Variants in HYCC1 observed in about 807,000 individuals in gnomAD.
HYCC1 encodes the protein hyccin PI4KA lipid kinase complex subunit 1.
chr7:22,950,354 T>C, the HYCC1 span, among the ~76,000 whole-genome samples: 1 of 152,022 alleles, frequency 6.6e-6, no homozygotes, highest in Non-Finnish European at 1.5e-5. Context: ...CTAAGTTCCA[T>C]GAGGAAGGAG....
the HYCC1 span, among the ~76,000 whole-genome samples, chr7:22,969,616 C>T: frequency 3.3e-5 from 5 of 151,714 alleles, no homozygotes; most frequent in South Asian, 2.1e-4. Flanking sequence ...CTCCACATCC[C>T]GGGTTCAAGC....
chr7:22,914,012 T>C, the HYCC1 span, among the ~76,000 whole-genome samples: 1 of 152,196 alleles, frequency 6.6e-6, no homozygotes, highest in African/African-American at 2.4e-5. Context: ...CCTCTCTCAC[T>C]ACCCTTCAAT....
At chr7:22,978,518 A>C in the HYCC1 span, 2 of 1,290,740 alleles carry the variant, frequency 1.5e-6, no homozygotes, top group Non-Finnish European at 2.2e-6. Flanking sequence ...ATGAAGTATA[A>C]AAGGTTTTCT....
the HYCC1 span, among the ~76,000 whole-genome samples, chr7:22,969,579 G>A: frequency 6.6e-6 from 1 of 151,220 alleles, no homozygotes; most frequent in Non-Finnish European, 1.5e-5. Flanking sequence ...GGAGGGCAGT[G>A]GCACGATGAT....
chr7:22,934,158 CTA>C, the HYCC1 span: 1 of 144,058 alleles, frequency 6.9e-6, no homozygotes. Context: ...TGCATAAAAA[CTA>C]AAAATCTTTT....
chr7:22,922,848 A>G, the HYCC1 span, among the ~76,000 whole-genome samples: 1 of 152,240 alleles, frequency 6.6e-6, no homozygotes. Context: ...AAAAGTGTCA[A>G]CCCATCAGGA....
chr7:22,946,034 T>C, the HYCC1 span: 1 of 1,613,798 alleles, frequency 6.2e-7, no homozygotes, highest in Admixed American at 1.7e-5. Context: ...TATACTTGGC[T>C]TGTTACTACA....
chr7:22,904,547 T>C, the HYCC1 span, among the ~76,000 whole-genome samples: 2 of 151,878 alleles, frequency 1.3e-5, no homozygotes, highest in Non-Finnish European at 2.9e-5. Context: ...TTCAACAGAA[T>C]AAAGGTATAA....
the HYCC1 span, chr7:22,938,954 C>A: frequency 6.6e-6 from 1 of 152,124 alleles, no homozygotes; most frequent in Non-Finnish European, 1.5e-5. Context: ...CTCTCCTCCC[C>A]CATACTAGCA....
At chr7:22,993,997 T>C in the HYCC1 span, among the ~76,000 whole-genome samples, 1 of 152,182 alleles carries the variant, frequency 6.6e-6, no homozygotes, top group Non-Finnish European at 1.5e-5. Context: ...GTTTTGTTTT[T>C]AGAGACAGAG....
the HYCC1 span, chr7:22,945,854 A>G: frequency 1.9e-6 from 3 of 1,613,842 alleles, no homozygotes; most frequent in East Asian, 2.2e-5. Flanking sequence ...AGGCTTAGGT[A>G]GGGATTGGCT....
chr7:22,942,340 A>C, the HYCC1 span: 4 of 152,288 alleles, frequency 2.6e-5, no homozygotes, highest in African/African-American at 9.6e-5. Flanking sequence ...CCAACTCTTC[A>C]AGTCTTGAGA....
chr7:22,931,566 T>G, the HYCC1 span, among the ~76,000 whole-genome samples: 1 of 152,150 alleles, frequency 6.6e-6, no homozygotes, highest in Non-Finnish European at 1.5e-5. Context: ...CCTAAATTGC[T>G]TTAAAAAGTT....
the HYCC1 span, among the ~76,000 whole-genome samples, chr7:22,987,554 T>TA: frequency 3.3e-5 from 5 of 152,010 alleles, no homozygotes; most frequent in Non-Finnish European, 4.4e-5. Flanking sequence ...TCTCAAATTT[T>TA]AAAAAAAGAA....
the HYCC1 span, among the ~76,000 whole-genome samples, chr7:22,990,058 T>C: frequency 1.3e-5 from 2 of 152,178 alleles, no homozygotes; most frequent in Non-Finnish European, 1.5e-5. Flanking sequence ...GCAGCCTTGA[T>C]TTTCAACCCA....
chr7:22,902,361 TA>T, the HYCC1 span, among the ~76,000 whole-genome samples: 1 of 149,720 alleles, frequency 6.7e-6, no homozygotes, highest in Non-Finnish European at 1.5e-5. Context: ...TTTAAGAAGC[TA>T]AAAAAAAACC....
chr7:22,964,708 C>T, the HYCC1 span, among the ~76,000 whole-genome samples: 18 of 152,174 alleles, frequency 1.2e-4, no homozygotes, highest in African/African-American at 3.9e-4. Context: ...GTAAGTTATA[C>T]CAGGAAAAAA....
At chr7:22,917,781 T>C in the HYCC1 span, among the ~76,000 whole-genome samples, 1 of 152,154 alleles carries the variant, frequency 6.6e-6, no homozygotes, top group Non-Finnish European at 1.5e-5. Flanking sequence ...CCCTTAAGTC[T>C]CTCTTAAAGT....
chr7:22,917,156 T>C, the HYCC1 span, among the ~76,000 whole-genome samples: 1 of 152,148 alleles, frequency 6.6e-6, no homozygotes, highest in Non-Finnish European at 1.5e-5. Context: ...ACGGCAGTTT[T>C]TCTCCTTCTC....
Sources: gnomAD v4.1 joint callset for allele counts (sites outside exome capture counted in the v4.1 genomes callset) on GRCh38, gnomAD v4.1.1 for gene constraint, MANE v1.5 for transcripts, NCBI Gene and HGNC (gene_info 2026-07-23, HGNC 2026-07-21) for gene names.